The following ARMC8 variants were observed in gnomAD, a reference collection of about 807,000 sequenced individuals.
The protein encoded by ARMC8 is armadillo repeat-containing protein 8.
A neutral mutation model predicts 99.3 loss-of-function variants in ARMC8; 20 were observed. The observed-to-expected ratio is 0.20, with a 90% CI of 0.14 to 0.29. The LOEUF (loss-of-function observed/expected upper bound fraction) is 0.29, where lower values mean the gene tolerates loss of function less well. Among genes scored for constraint, ARMC8 ranks in the 10% least tolerant of loss-of-function variants. The probability of loss-of-function intolerance (pLI) is 1.00; values close to 1 mark genes in which losing one functional copy is unlikely to be tolerated. For synonymous variants in ARMC8, 263 were observed against 278.3 expected (o/e 0.95, Z 0.55); for missense variants, 569 against 809.5 (o/e 0.70, Z 3.60).
At chr3:138,261,363 CAGAA>C (rs1210018822) in intron 12 of ARMC8, 1 of 152,054 alleles carries the variant, frequency 6.6e-6, no homozygotes, top group African/African-American at 2.4e-5. Flanking sequence ...TTAGCAAAAA[CAGAA>C]AGACACAGAG....
intron 12 of ARMC8, among the ~76,000 whole-genome samples, chr3:138,259,159 GC>G (rs768270981): frequency 2.8e-4 from 42 of 152,164 alleles, no homozygotes; most frequent in Non-Finnish European, 5.1e-4. Flanking sequence ...TCGTTAAAAG[GC>G]ACCACGGAGG....
chr3:138,275,826 C>T (rs1457173166), intron 18 of ARMC8, among the ~76,000 whole-genome samples: 3 of 152,050 alleles, frequency 2.0e-5, no homozygotes, highest in Admixed American at 6.6e-5. Context: ...AGATATTTTA[C>T]GTGATATCTC....
intron 2 of ARMC8, among the ~76,000 whole-genome samples, chr3:138,215,915 C>CA (rs999598146): frequency 2.0e-5 from 3 of 151,424 alleles, no homozygotes; most frequent in Admixed American, 2.0e-4. Flanking sequence ...GGCTGGAGTG[C>CA]AGTGATGCAA....
intron 1 of ARMC8, among the ~76,000 whole-genome samples, chr3:138,189,086 C>G (rs1374671671): frequency 6.6e-6 from 1 of 151,968 alleles, no homozygotes; most frequent in African/African-American, 2.4e-5. Context: ...TTTCATTTAT[C>G]CTTCAGTTCA....
chr3:138,234,635 G>C lies in ARMC8; in HGVS notation c.529-399G>C, dbSNP rs1158326482. On this transcript the variant is annotated intron_variant, in intron 6 of 21. Coordinates refer to ENST00000469044, the MANE Select transcript of ARMC8 (RefSeq NM_001363941.2). ...AAGTTGTAACAATGACTCTGCCACT[G>C]TTTCCTGTGGGCATAGGGCAATAAT... 2.6e-5 allele frequency among the ~76,000 whole-genome samples: 4 copies of C among 152,194 alleles called. No individual in the cohort carries two copies. The East Asian group carries it at 7.7e-4, about 29-fold the overall frequency.
In ARMC8 at chr3:138,188,271, GT is replaced by G. The variant is rs1441054849; in HGVS notation, c.45+677del. 3.9e-6 allele frequency: 3 copies of G among 776,828 alleles called. No individual in the cohort carries two copies. The Admixed American group carries it at 9.3e-5, about 24-fold the overall frequency. The allele number at this position is 776,828 out of a possible 1,614,324, so 48.1% of individuals were successfully genotyped here. A position where few individuals can be genotyped will look rare whatever the true frequency, so the allele number is the denominator to read the frequency against. On this transcript the variant is annotated intron_variant, in intron 1 of 21. Transcript: ENST00000469044. ...CTATGTTCCCTGTGCCTGGTATTCC[GT>G]TTTTCTTTAAGGGGAGTCAAACATT...
At chr3:138,287,261 C>G (rs1399813805) in intron 19 of ARMC8, among the ~76,000 whole-genome samples, 3 of 152,174 alleles carry the variant, frequency 2.0e-5, no homozygotes, top group African/African-American at 7.2e-5. Context: ...TTGGCTACAC[C>G]TACTTCTCTG....
At chr3:138,236,322 G>T (rs941197554) in intron 7 of ARMC8, among the ~76,000 whole-genome samples, 10 of 152,174 alleles carry the variant, frequency 6.6e-5, no homozygotes, top group African/African-American at 2.4e-5. Flanking sequence ...GTCAGCACTT[G>T]CACATCAAGA....
chr3:138,221,536 G>T (rs567359666), intron 2 of ARMC8, among the ~76,000 whole-genome samples: 18 of 152,192 alleles, frequency 1.2e-4, no homozygotes, highest in African/African-American at 4.3e-4. Context: ...TGTGATCATT[G>T]AAACAAGGAG....
chr3:138,188,376 C>T (rs930487879), intron 1 of ARMC8: 22 of 1,396,052 alleles, frequency 1.6e-5, no homozygotes, highest in Admixed American at 7.2e-5. Context: ...GAAGTAAAAC[C>T]TGTTTTTTTT....
At chr3:138,248,024 C>T (rs1035701610) in intron 12 of ARMC8, among the ~76,000 whole-genome samples, 1 of 152,110 alleles carries the variant, frequency 6.6e-6, no homozygotes, top group Non-Finnish European at 1.5e-5. Flanking sequence ...ATTCTAATTC[C>T]GAGTGTTGCA....
intron 19 of ARMC8, chr3:138,288,052 A>G (rs2050590007): frequency 6.3e-6 from 1 of 158,550 alleles, no homozygotes. Context: ...CATTTGAGAA[A>G]TCAACTAGCG....
At chr3:138,291,426 G>C (rs544580056) in intron 21 of ARMC8, among the ~76,000 whole-genome samples, 1 of 152,186 alleles carries the variant, frequency 6.6e-6, no homozygotes, top group Non-Finnish European at 1.5e-5. Context: ...CCTCTCCTCT[G>C]AGTCCCCATT....
At chr3:138,250,248 T>G (rs1463158213) in intron 12 of ARMC8, among the ~76,000 whole-genome samples, 3 of 152,180 alleles carry the variant, frequency 2.0e-5, no homozygotes, top group Non-Finnish European at 4.4e-5. Context: ...TTAAAATGTT[T>G]AGCACAGTGT....
intron 2 of ARMC8, among the ~76,000 whole-genome samples, chr3:138,215,793 A>G (rs1455434799): frequency 6.6e-6 from 1 of 152,134 alleles, no homozygotes; most frequent in Non-Finnish European, 1.5e-5. Context: ...TTAAGGAACC[A>G]TAAAATGCTA....
At chr3:138,295,048 G>A (rs2051344781) in intron 21 of ARMC8, among the ~76,000 whole-genome samples, 1 of 151,900 alleles carries the variant, frequency 6.6e-6, no homozygotes, top group African/African-American at 2.4e-5. Context: ...ACAGGTGCCC[G>A]CTGCCACACT....
intron 2 of ARMC8, among the ~76,000 whole-genome samples, chr3:138,212,308 C>CTT (rs898136861): frequency 3.5e-4 from 46 of 131,710 alleles, no homozygotes; most frequent in South Asian, 4.9e-4. Context: ...TTTAAGTAAT[C>CTT]TTTTTTTTTT....
chr3:138,250,399 A>G (rs2047069313), intron 12 of ARMC8, among the ~76,000 whole-genome samples: 1 of 152,162 alleles, frequency 6.6e-6, no homozygotes, highest in Non-Finnish European at 1.5e-5. Flanking sequence ...GAGGTTTGCA[A>G]TGAAGAAAGT....
chr3:138,190,086 C>T (rs1435993312), intron 1 of ARMC8, among the ~76,000 whole-genome samples: 1 of 152,116 alleles, frequency 6.6e-6, no homozygotes, highest in Non-Finnish European at 1.5e-5. Context: ...TGTGCCTGCA[C>T]TACCACAGCG....
Sources: allele counts gnomAD v4.1 joint callset (sites outside exome capture counted in the v4.1 genomes callset), GRCh38; gene constraint gnomAD v4.1.1; transcripts MANE v1.5; gene names NCBI Gene and HGNC (gene_info 2026-07-23, HGNC 2026-07-21).